AGBL1: variants seen among roughly 807,000 people sequenced by gnomAD.
AGBL1 encodes the protein AGBL carboxypeptidase 1, also known as cytosolic carboxypeptidase 4.
In AGBL1, 130 loss-of-function variants were observed where a neutral mutation model predicts 118.9. The observed-to-expected ratio is 1.09, with a 90% confidence interval of 0.95 to 1.26. The LOEUF (loss-of-function observed/expected upper bound fraction) is 1.26. Ranked by LOEUF, AGBL1 falls within the 50% of genes most tolerant of loss-of-function variation. The pLI is 0.00. For missense variants in AGBL1, 1,584 were observed against 1,298.1 expected (o/e 1.22, Z -3.38); for synonymous variants, 555 against 478.9 (o/e 1.16, Z -2.08).
In AGBL1 at chr15:86,266,447, G is replaced by T. The variant is rs1258000548; in HGVS notation, c.1741G>T (p.Asp581Tyr). 1 of 1,565,572 alleles carries T rather than the reference G, an allele frequency of 6.4e-7. No homozygotes were observed. Among genetic ancestry groups the T allele is most frequent in the Non-Finnish European group, 8.7e-7 (1 of 1,152,852 alleles). ...DVINKVVFSLDEPWPLQDNAS... is the reference protein window; with the variant it reads ...DVINKVVFSLYEPWPLQDNAS... ...TATAAATAAAGTTGTCTTCAGTTTA[G>T]ATGAGCCTTGGTAGGTAGTCTCGTG... is the stretch of plus-strand genomic sequence containing the variant. Residue 581 changes from aspartate (D) to tyrosine (Y), a missense_variant, in exon 12 of 23, where the codon GAT becomes TAT. Physicochemically the swap from Asp to Tyr is radical, Grantham distance 160 (BLOSUM62 -3). Coordinates refer to ENST00000614907, the MANE Select transcript of AGBL1 (RefSeq NM_001386094.1).
intron 20 of AGBL1, among the ~76,000 whole-genome samples, chr15:86,549,029 A>G (rs1168428762): frequency 2.0e-5 from 3 of 152,018 alleles, no homozygotes; most frequent in Admixed American, 2.0e-4. Context: ...GAATTCACTC[A>G]TTATTGCAAC....
At chr15:86,286,735 G>GCATATATATATATATATATATATATATA (rs2079456307) in intron 16 of AGBL1, among the ~76,000 whole-genome samples, 4 of 106,250 alleles carry the variant, frequency 3.8e-5, no homozygotes, top group African/African-American at 1.6e-4. Context: ...GTTTGTGTGT[G>GCATATATATATATATATATATATATATA]TATATATATA....
At chr15:86,365,893 T>A (rs2080880143) in intron 17 of AGBL1, among the ~76,000 whole-genome samples, 1 of 145,400 alleles carries the variant, frequency 6.9e-6, no homozygotes, top group African/African-American at 2.4e-5. Flanking sequence ...AAATTGATAT[T>A]TTATCCCTGT....
At chr15:86,607,435 G>T (rs1257580074) in intron 21 of AGBL1, among the ~76,000 whole-genome samples, 2 of 152,154 alleles carry the variant, frequency 1.3e-5, no homozygotes, top group Non-Finnish European at 2.9e-5. Flanking sequence ...TGGGTAAATG[G>T]CAAGGAATGG....
Position 86,723,590 on chromosome 15 carries a change from G to A in AGBL1, c.3158+49154G>A, listed in dbSNP as rs1219917743. ...TTAATGGGTGCAGCACACCAACATG[G>A]CACGTGTATACACATGTAACTAACC... On this transcript the variant is annotated intron_variant, in intron 22 of 22. Transcript: ENST00000614907. Among the ~76,000 whole-genome samples, 5 of 152,078 alleles carry A rather than the reference G, an allele frequency of 3.3e-5. No homozygotes were observed. In the East Asian group the frequency reaches 9.6e-4, roughly 29 times the overall value.
chr15:86,988,931 A>C (rs1284836931), intron 24 of AGBL1, among the ~76,000 whole-genome samples: 1 of 151,754 alleles, frequency 6.6e-6, no homozygotes, highest in Non-Finnish European at 1.5e-5. Flanking sequence ...AGGACTTTGA[A>C]TAAAATATTG....
Position 86,544,603 on chromosome 15 carries a change from C to T in AGBL1, c.2686-1399C>T, listed in dbSNP as rs1443417270. Among the ~76,000 whole-genome samples, 9 of 152,290 alleles carry T rather than the reference C, an allele frequency of 5.9e-5. No homozygotes were observed. The East Asian group carries it at 1.7e-3, about 29-fold the overall frequency. ...ATGGCAGCAGGCAAGAGAAGGAATA[C>T]AGGGGAATTCCCCTTTATAAAACCA... is the stretch of plus-strand genomic sequence containing the variant. On this transcript the variant is annotated intron_variant, in intron 19 of 22. Transcript: ENST00000614907.
At chr15:86,445,599 A>G (rs1226639285) in intron 18 of AGBL1, among the ~76,000 whole-genome samples, 1 of 152,240 alleles carries the variant, frequency 6.6e-6, no homozygotes, top group Non-Finnish European at 1.5e-5. Flanking sequence ...GTGTGGTAAT[A>G]GAGTGCAGCC....
intron 22 of AGBL1, among the ~76,000 whole-genome samples, chr15:86,807,318 A>C (rs1447424318): frequency 1.3e-5 from 2 of 152,032 alleles, no homozygotes; most frequent in African/African-American, 4.8e-5. Context: ...TACAAATATT[A>C]TTTTTGTGGG....
chr15:86,371,051 C>T (rs1392202383), intron 17 of AGBL1, among the ~76,000 whole-genome samples: 1 of 152,158 alleles, frequency 6.6e-6, no homozygotes, highest in Non-Finnish European at 1.5e-5. Flanking sequence ...GTTAAGATCA[C>T]TTAGGCATTG....
Position 86,578,915 on chromosome 15 carries a change from T to G in AGBL1, c.2994+24378T>G, listed in dbSNP as rs144487192. ...TATCAGCAGCATGAAAACGGACTAATACAGGCAGCTTTAGGCTAAACTTAA... is the reference window on the plus strand; with the variant it reads ...TATCAGCAGCATGAAAACGGACTAAGACAGGCAGCTTTAGGCTAAACTTAA... On this transcript the variant is annotated intron_variant, in intron 21 of 22. Transcript: ENST00000614907. Among the ~76,000 whole-genome samples, 875 of 152,284 alleles carry G rather than the reference T, an allele frequency of 5.7e-3. 7 individuals are homozygous for G. The highest frequency in any genetic ancestry group is 0.02 in the African/African-American group (834 of 41,560).
At chr15:86,858,913 T>A (rs2079523064) in intron 22 of AGBL1, among the ~76,000 whole-genome samples, 1 of 152,146 alleles carries the variant, frequency 6.6e-6, no homozygotes, top group South Asian at 2.1e-4. Flanking sequence ...TTGAAACAAC[T>A]CTAAAAGTTA....
At position 86,677,511 on chromosome 15, in the gene AGBL1, T is replaced by C. The variant is rs2085870031; in HGVS notation, c.3158+3075T>C. Among the ~76,000 whole-genome samples the C allele has an allele frequency of 2.0e-5, 3 of 152,204 alleles. No homozygotes were observed. The South Asian group carries it at 6.2e-4, about 32-fold the overall frequency. ...CGTTTATCCATTGTGACAGGTCTTT[T>C]GCAAAGTCACTTAAGTTTTGCCGAG... On this transcript the variant is annotated intron_variant, in intron 22 of 22. Transcript: ENST00000614907.
chr15:86,298,246 A>ATT (rs1555462936), intron 17 of AGBL1, among the ~76,000 whole-genome samples: 1,738 of 69,454 alleles, frequency 0.025, 123 homozygotes, highest in Middle Eastern at 0.059. Context: ...GTCTGTGTAT[A>ATT]ATATATATAT....
downstream of AGBL1, among the ~76,000 whole-genome samples, chr15:86,917,129 A>C (rs2080434225): frequency 6.6e-6 from 1 of 152,112 alleles, no homozygotes; most frequent in Non-Finnish European, 1.5e-5. This position sits in a 1 kb window ranked among gnomAD's most constrained non-coding sequence, Gnocchi z 4.8. Flanking sequence ...GTGCTGTTGG[A>C]AGGGGGAGTT....
chr15:86,925,714 T>C (rs992054110), intron 23 of AGBL1, among the ~76,000 whole-genome samples: 2 of 144,172 alleles, frequency 1.4e-5, no homozygotes, highest in Non-Finnish European at 1.5e-5. Flanking sequence ...TTTTTCTTTT[T>C]CTTTTCTTTT....
At chr15:86,670,641 T>TGC (rs2085729599) in intron 21 of AGBL1, among the ~76,000 whole-genome samples, 1 of 37,304 alleles carries the variant, frequency 2.7e-5, no homozygotes, top group Non-Finnish European at 6.3e-5. Flanking sequence ...ACGCTGTGTG[T>TGC]GTGTGTGTGT....
intron 21 of AGBL1, among the ~76,000 whole-genome samples, chr15:86,646,902 C>G (rs148721671): frequency 1.3e-5 from 2 of 152,102 alleles, no homozygotes; most frequent in Non-Finnish European, 2.9e-5. Context: ...AAAATCAACA[C>G]TTAATTATCC....
chr15:86,409,961 C>A (rs1390961475), intron 18 of AGBL1, among the ~76,000 whole-genome samples: 1 of 152,134 alleles, frequency 6.6e-6, no homozygotes, highest in African/African-American at 2.4e-5. Context: ...TTCTAAATTT[C>A]CCCTTTAGAC....
Sources: allele counts gnomAD v4.1 joint callset (sites outside exome capture counted in the v4.1 genomes callset), GRCh38; gene constraint gnomAD v4.1.1; non-coding constraint Gnocchi (gnomAD v3.1); transcripts MANE v1.5; gene names NCBI Gene and HGNC (gene_info 2026-07-23, HGNC 2026-07-21).